The following SMG7 variants were observed in gnomAD, a reference collection of about 807,000 sequenced individuals.
The protein encoded by SMG7 is SMG7 nonsense mediated mRNA decay factor.
A neutral mutation model predicts 148.2 loss-of-function variants in SMG7; 34 were observed. That is an observed-to-expected ratio of 0.23 (90% confidence interval 0.17 to 0.31). SMG7 has a LOEUF of 0.31. Among genes scored for constraint, SMG7 ranks in the 10% least tolerant of loss-of-function variants. The probability of loss-of-function intolerance (pLI) is 1.00; values close to 1 mark genes in which losing one functional copy is unlikely to be tolerated. For missense variants in SMG7, 1,114 were observed against 1,408.4 expected (o/e 0.79, Z 3.35); for synonymous variants, 492 against 515.1 (o/e 0.96, Z 0.61).
At chr1:183,488,682 C>CTTTT (rs55662555) in intron 1 of SMG7, among the ~76,000 whole-genome samples, 57 of 75,098 alleles carry the variant, frequency 7.6e-4, no homozygotes, top group East Asian at 8.3e-4. Context: ...GTTTATAAGG[C>CTTTT]TTTTTTTTTT....
At chr1:183,489,423 C>T (rs1171167538) in intron 1 of SMG7, among the ~76,000 whole-genome samples, 1 of 152,032 alleles carries the variant, frequency 6.6e-6, no homozygotes, top group Non-Finnish European at 1.5e-5. Context: ...ACTCCTAGGT[C>T]CTACAGCTTG....
In SMG7 at chr1:183,549,842, C is replaced by A. The variant is rs1259075099; in HGVS notation, c.3052C>A (p.Pro1018Thr). Residue 1018 changes from proline to threonine, a missense_variant, in exon 20 of 23, where the codon CCC (proline) becomes ACC (threonine). Transcript: ENST00000688051. ...ATCCAGCTCCAAAGCAGAACTCAGT[C>A]CCTCAATGGCCCCCCAGGAAACATC... is the stretch of plus-strand genomic sequence containing the variant. ...LTSSSKAELSPSMAPQETSLY... is the reference protein window; with the variant it reads ...LTSSSKAELSTSMAPQETSLY... The A allele has an allele frequency of 1.2e-5, 20 of 1,613,578 alleles. No homozygotes were observed. The highest frequency in any genetic ancestry group is 1.6e-5 in the Non-Finnish European group (19 of 1,179,548).
At chr1:183,541,669 A>C (rs1668887903) in intron 13 of SMG7, among the ~76,000 whole-genome samples, 1 of 152,164 alleles carries the variant, frequency 6.6e-6, no homozygotes, top group Non-Finnish European at 1.5e-5. Flanking sequence ...TTTTGTATTC[A>C]GGTTTCTGTC....
chr1:183,516,696 A>G (rs1053389971), intron 3 of SMG7, among the ~76,000 whole-genome samples: 6 of 152,250 alleles, frequency 3.9e-5, no homozygotes, highest in African/African-American at 7.2e-5. Flanking sequence ...AGTTTTTTCT[A>G]TCATTTACAT....
rs923346919 is a variant in SMG7 at position 183,553,871 on chromosome 1, C to T, written c.*1940C>T. 1 of 152,680 alleles carries T rather than the reference C, an allele frequency of 6.5e-6. No homozygotes were observed. The highest frequency in any genetic ancestry group is 2.4e-5 in the African/African-American group (1 of 41,442). The allele number at this position is 152,680 out of a possible 1,614,324, so 9.5% of individuals were successfully genotyped here. On this transcript the variant is annotated 3_prime_UTR_variant, in exon 23 of 23. Transcript: ENST00000688051. ...TCCAGTGTTTGAACTGTCACTGATT[C>T]TTGCGCCCTAGACAAGCTAACCAGG... is the stretch of plus-strand genomic sequence containing the variant.
intron 4 of SMG7, among the ~76,000 whole-genome samples, chr1:183,519,881 AGAAAGTTTAAAGT>A (rs1664385043): frequency 6.6e-6 from 1 of 152,188 alleles, no homozygotes; most frequent in Non-Finnish European, 1.5e-5. Context: ...TGAAATCATT[AGAAAGTTTAAAGT>A]GAAAGTTTAA....
At chr1:183,544,207 AT>A (rs1669478479) in intron 14 of SMG7, 145 bp from the exon 15 acceptor site, 1 of 597,576 alleles carries the variant, frequency 1.7e-6, no homozygotes, top group Admixed American at 2.6e-5. Flanking sequence ...TTGATTTTCC[AT>A]TTTTAACTTA....
intron 1 of SMG7, among the ~76,000 whole-genome samples, chr1:183,508,685 T>C (rs1384735693): frequency 6.6e-6 from 1 of 152,140 alleles, no homozygotes; most frequent in African/African-American, 2.4e-5. Flanking sequence ...AACTCTTAGC[T>C]TAACCCTCCC....
At chr1:183,517,665 A>C in intron 3 of SMG7, 23 bp from the exon 4 acceptor site, 1 of 1,613,668 alleles carries the variant, frequency 6.2e-7, no homozygotes, top group Non-Finnish European at 8.5e-7. Context: ...GCTATACCAA[A>C]TAGAATTACA....
chr1:183,536,951 C>A (rs1211613443), intron 10 of SMG7, among the ~76,000 whole-genome samples, 194 bp from the exon 11 acceptor site: 2 of 151,874 alleles, frequency 1.3e-5, no homozygotes, highest in Non-Finnish European at 2.9e-5. Flanking sequence ...GAAATTTGTC[C>A]CTTTTGTTGT....
intron 3 of SMG7, 154 bp downstream of exon 3, chr1:183,516,145 G>A (rs574260574): frequency 1.2e-5 from 7 of 602,338 alleles, no homozygotes; most frequent in African/African-American, 1.1e-4. Flanking sequence ...TTGGCCATTG[G>A]TATTATTTCA....
chr1:183,542,871 A>G (rs1669121791), intron 14 of SMG7, among the ~76,000 whole-genome samples: 2 of 151,774 alleles, frequency 1.3e-5, no homozygotes, highest in East Asian at 1.9e-4. Context: ...AGTAGAACCA[A>G]GAGTATATTA....
intron 1 of SMG7, among the ~76,000 whole-genome samples, chr1:183,486,731 G>T (rs1452873300): frequency 2.0e-5 from 3 of 151,602 alleles, no homozygotes; most frequent in Non-Finnish European, 2.9e-5. Flanking sequence ...CTGAGACAGG[G>T]TCTCACTGTG....
intron 11 of SMG7, 67 bp from the exon 12 acceptor site, chr1:183,538,313 G>C: frequency 9.8e-7 from 1 of 1,023,304 alleles, no homozygotes. Context: ...AAAAAATTTA[G>C]TGAACAGTAT....
At chr1:183,533,088 T>C (rs1402740888) in intron 8 of SMG7, 76 bp from the exon 9 acceptor site, 2 of 1,243,718 alleles carry the variant, frequency 1.6e-6, no homozygotes, top group South Asian at 2.7e-5. Context: ...AAATGCAGAC[T>C]ACCAGTTTAA....
Position 183,552,447 on chromosome 1 carries a change from G to A in SMG7, c.*516G>A. On this transcript the variant is annotated 3_prime_UTR_variant, in exon 23 of 23. Transcript: ENST00000688051. ...TCACACTGAATTCTTCCATACACAG[G>A]TGTGCTTCTAGTCAGTGTGTAGCAA... 1 of 992,504 alleles carries A rather than the reference G, an allele frequency of 1.0e-6. No individual in the cohort carries two copies. The highest frequency in any genetic ancestry group is 1.2e-6 in the Non-Finnish European group (1 of 834,000). 61.5% of individuals were successfully genotyped at this position (992,504 alleles called of 1,614,324 possible).
intron 13 of SMG7, among the ~76,000 whole-genome samples, chr1:183,541,548 T>C (rs1345374135): frequency 6.6e-6 from 1 of 152,222 alleles, no homozygotes; most frequent in Non-Finnish European, 1.5e-5. Flanking sequence ...GCAGGTTTTG[T>C]AATTCCATTG....
intron 3 of SMG7, among the ~76,000 whole-genome samples, chr1:183,516,854 G>A (rs950672342): frequency 3.9e-5 from 6 of 152,140 alleles, no homozygotes; most frequent in Non-Finnish European, 5.9e-5. Context: ...TCATTAAAAA[G>A]CCTAGTGCTC....
chr1:183,547,230 C>G lies in SMG7; in HGVS notation c.2870C>G (p.Ser957Cys). The change falls in exon 18 of 23, where the codon TCT becomes TGT. Residue 957 changes from serine (S) to cysteine (C), a missense_variant. By Grantham distance (112) the Ser-to-Cys change is moderately radical. This residue lies in a region of SMG7 where 788 missense variants were observed against 894.5 expected (regional missense o/e 0.88). Transcript: ENST00000688051. ...CCGGCTCTGCTGGGGCCTCTCGCCT[C>G]TCTTCCTGGACGAAGCCTTTTTGTA... ...LYPALLGPLA[S>C]LPGRSLFKSL... 2 of 1,550,184 alleles carry G rather than the reference C, an allele frequency of 1.3e-6. No homozygotes were observed. Among genetic ancestry groups the G allele is most frequent in the Non-Finnish European group, 1.7e-6 (2 of 1,146,820 alleles).
Sources: allele counts gnomAD v4.1 joint callset (sites outside exome capture counted in the v4.1 genomes callset), GRCh38; gene constraint gnomAD v4.1.1; regional missense constraint gnomAD v4.1.1; transcripts MANE v1.5; gene names NCBI Gene and HGNC (gene_info 2026-07-23, HGNC 2026-07-21).